SIX1: variants seen among roughly 807,000 people sequenced by gnomAD.
The protein encoded by SIX1 is SIX homeobox 1.
Under a neutral mutation model 26.5 loss-of-function variants are expected in SIX1, and 11 were observed. That is an observed-to-expected ratio of 0.41 (90% CI 0.26 to 0.69). The LOEUF is 0.69. Ranked by LOEUF, SIX1 falls within the 30% of genes least tolerant of loss-of-function variation. The probability of loss-of-function intolerance (pLI) is 0.28; values close to 1 mark genes in which losing one functional copy is unlikely to be tolerated. For synonymous variants in SIX1, 177 were observed against 166.2 expected (o/e 1.06, Z -0.50); for missense variants, 333 against 365.9 (o/e 0.91, Z 0.73).
rs1895012819 is a variant in SIX1 at position 60,649,170 on chromosome 14, A to T, written c.20T>A (p.Phe7Tyr). 1.2e-6 allele frequency: 2 copies of T among 1,601,842 alleles called. No homozygotes were observed. Among genetic ancestry groups the T allele is most frequent in the African/African-American group, 1.3e-5 (1 of 74,626 alleles). Residue 7 changes from phenylalanine (F) to tyrosine (Y), a missense_variant, in exon 1 of 2, where the codon TTT (phenylalanine) becomes TAT (tyrosine). Around this residue, in one of 3 missense-constraint regions of SIX1, gnomAD observed 133 missense variants for 131.8 expected, o/e 1.01. Coordinates refer to ENST00000645694, the MANE Select transcript of SIX1 (RefSeq NM_005982.4). This position sits in a 1 kb window ranked among gnomAD's most constrained non-coding sequence, Gnocchi z 5.1. MSMLPS[F>Y]GFTQEQVACV... ...CGCCACTTGCTCCTGCGTAAAGCCA[A>T]ACGACGGCAGCATCGACATGGCTGG...
rs1251187381 is a variant in SIX1, at chr14:60,649,026, A to G, written c.164T>C (p.Val55Ala). ...KNESVLKAKA[V>A]VAFHRGNFRE... ...GAAGTTGCCGCGGTGGAAGGCGACC[A>G]CCGCCTTGGCCTTGAGTACGCTCTC... is the stretch of plus-strand genomic sequence containing the variant. Residue 55 changes from valine to alanine, a missense_variant, in exon 1 of 2, where the codon GTG becomes GCG. By Grantham distance (64) the Val-to-Ala change is moderately conservative. Around this residue, in one of 3 missense-constraint regions of SIX1, gnomAD observed 133 missense variants for 131.8 expected, o/e 1.01. Coordinates refer to ENST00000645694, the MANE Select transcript of SIX1 (RefSeq NM_005982.4). The surrounding 1 kb of genome is among the most constrained non-coding windows in gnomAD (Gnocchi z 5.1). The G allele has an allele frequency of 2.5e-6, 4 of 1,613,818 alleles. No individual in the cohort carries two copies. Among genetic ancestry groups the G allele is most frequent in the Non-Finnish European group, 3.4e-6 (4 of 1,180,012 alleles).
rs1393610042 is a variant in SIX1, at chr14:60,644,404, T to C, written c.*1879A>G. On this transcript the variant is annotated 3_prime_UTR_variant, in exon 2 of 2. Transcript: ENST00000645694. ...GAGTGGCTGTGTGCACATCTGTCCA[T>C]CACTGAGGGGGAAAAACGACTTTAT... The C allele has an allele frequency of 6.6e-6, 1 of 151,756 alleles. No individual in the cohort carries two copies. The highest frequency in any genetic ancestry group is 2.4e-5 in the African/African-American group (1 of 41,034). The allele number at this position is 151,756 out of a possible 1,614,324, so 9.4% of individuals were successfully genotyped here.
rs1894994214 is a variant in SIX1 at position 60,648,540 on chromosome 14, T to C, written c.560+90A>G. 7.4e-7 allele frequency: 1 copy of C among 1,342,356 alleles called. No homozygotes were observed. The highest frequency in any genetic ancestry group is 2.0e-5 in the Admixed American group (1 of 50,052). The allele number at this position is 1,342,356 out of a possible 1,614,324, so 83.2% of individuals were successfully genotyped here. On this transcript the variant is annotated intron_variant, in intron 1 of 1. Transcript: ENST00000645694. The surrounding 1 kb of genome is among the most constrained non-coding windows in gnomAD (Gnocchi z 7.9). ...CGGGCTCCGGCCGGCGGGGAGGACTTGGTGGCTGGTGCCTGCGGGGGCGGG... is the reference window on the plus strand; with the variant it reads ...CGGGCTCCGGCCGGCGGGGAGGACTCGGTGGCTGGTGCCTGCGGGGGCGGG...
chr14:60,646,241 T>C lies in SIX1; in HGVS notation c.*42A>G. On this transcript the variant is annotated 3_prime_UTR_variant, in exon 2 of 2. Transcript: ENST00000645694. ...AAGTGTCCCTAGTCGCTGCAGTGGT[T>C]GCTGCTCCAGGAATCCCTTCGAGGC... The C allele has an allele frequency of 1.9e-6, 3 of 1,597,056 alleles. No homozygotes were observed. Among genetic ancestry groups the C allele is most frequent in the Non-Finnish European group, 2.6e-6 (3 of 1,168,786 alleles).
chr14:60,646,990 T>TA (rs1894954548), intron 1 of SIX1, among the ~76,000 whole-genome samples: 1 of 152,220 alleles, frequency 6.6e-6, no homozygotes, highest in Non-Finnish European at 1.5e-5. Flanking sequence ...ATATTGGTGA[T>TA]AAAGAAATGA....
rs1167753630 is a variant in SIX1, at chr14:60,649,156, C to T, written c.34G>A (p.Glu12Lys). Residue 12 changes from glutamate to lysine, a missense_variant, in exon 1 of 2, where the codon GAG becomes AAG. Physicochemically the swap from Glu to Lys is moderately conservative, Grantham distance 56 (BLOSUM62 1). This residue lies in a region of SIX1 where 133 missense variants were observed against 131.8 expected (regional missense o/e 1.01). Coordinates refer to ENST00000645694, the MANE Select transcript of SIX1 (RefSeq NM_005982.4). The surrounding 1 kb of genome is among the most constrained non-coding windows in gnomAD (Gnocchi z 5.1). ...SMLPSFGFTQEQVACVCEVLQ... is the reference protein window; with the variant it reads ...SMLPSFGFTQKQVACVCEVLQ... ...ACCTCGCACACGCACGCCACTTGCT[C>T]CTGCGTAAAGCCAAACGACGGCAGC... 1 of 1,611,752 alleles carries T rather than the reference C, an allele frequency of 6.2e-7. No individual in the cohort carries two copies. Among genetic ancestry groups the T allele is most frequent in the Admixed American group, 1.7e-5 (1 of 60,020 alleles).
In SIX1 at chr14:60,647,479, C is replaced by G. The variant is rs1022360306; in HGVS notation, c.561-902G>C. Among the ~76,000 whole-genome samples the G allele has an allele frequency of 3.9e-5, 6 of 152,196 alleles. No homozygotes were observed. Among genetic ancestry groups the G allele is most frequent in the African/African-American group, 1.2e-4 (5 of 41,452 alleles). On this transcript the variant is annotated intron_variant, in intron 1 of 1. Coordinates refer to ENST00000645694, the MANE Select transcript of SIX1 (RefSeq NM_005982.4). This position sits in a 1 kb window ranked among gnomAD's most constrained non-coding sequence, Gnocchi z 5.1. ...AACTTCAGGATTTCGCTTCCCTCGCCGCTTCCGCCTTCCGAGTGCTCGTCA... is the reference window on the plus strand; with the variant it reads ...AACTTCAGGATTTCGCTTCCCTCGCGGCTTCCGCCTTCCGAGTGCTCGTCA...
rs374638294 is a variant in SIX1, at chr14:60,646,506, G to A, written c.632C>T (p.Pro211Leu). 34 of 1,613,660 alleles carry A rather than the reference G, an allele frequency of 2.1e-5. No individual in the cohort carries two copies. The highest frequency in any genetic ancestry group is 8.3e-5 in the Admixed American group (5 of 59,958). Residue 211 changes from proline to leucine, a missense_variant, in exon 2 of 2, where the codon CCG (proline) becomes CTG (leucine). Physicochemically the swap from Pro to Leu is moderately conservative, Grantham distance 98 (BLOSUM62 -3). Around this residue, in one of 3 missense-constraint regions of SIX1, gnomAD observed 199 missense variants for 215.2 expected, o/e 0.92. Transcript: ENST00000645694. ...TTCCTCTTCTGAGCTGGACATGAGCGGCTTGCCCCCTTCCAGAGGAGAGAG... is the reference window on the plus strand; with the variant it reads ...TTCCTCTTCTGAGCTGGACATGAGCAGCTTGCCCCCTTCCAGAGGAGAGAG... ...NQLSPLEGGK[P>L]LMSSSEEEFS... is the part of the protein sequence containing the mutation.
rs1359762383 is a variant in SIX1 at position 60,649,184 on chromosome 14, C to A, written c.6G>T (p.Ser2=). ...GCGTAAAGCCAAACGACGGCAGCAT[C>A]GACATGGCTGGGGCCTGCCGGGGCG... M[S]MLPSFGFTQE... The change falls in exon 1 of 2, where the codon TCG becomes TCT. Residue 2 remains serine, a synonymous_variant. Coordinates refer to ENST00000645694, the MANE Select transcript of SIX1 (RefSeq NM_005982.4). This position sits in a 1 kb window ranked among gnomAD's most constrained non-coding sequence, Gnocchi z 5.1. 2 of 1,607,904 alleles carry A rather than the reference C, an allele frequency of 1.2e-6. No homozygotes were observed. The highest frequency in any genetic ancestry group is 1.7e-6 in the Non-Finnish European group (2 of 1,179,854).
rs1402174239 is a variant in SIX1, at chr14:60,649,100, C to G, written c.90G>C (p.Leu30=). 20 of 1,613,246 alleles carry G rather than the reference C, an allele frequency of 1.2e-5. No homozygotes were observed. The highest frequency in any genetic ancestry group is 1.6e-5 in the Non-Finnish European group (19 of 1,179,710). The change falls in exon 1 of 2, where the codon CTG becomes CTC. Residue 30 remains leucine, a synonymous_variant. Coordinates refer to ENST00000645694, the MANE Select transcript of SIX1 (RefSeq NM_005982.4). This position sits in a 1 kb window ranked among gnomAD's most constrained non-coding sequence, Gnocchi z 5.1. The part of the protein sequence containing the change: ...VLQQGGNLER[L]GRFLWSLPAC... ...CGGGCAGTGACCACAGGAACCTGCC[C>G]AGGCGCTCCAGGTTTCCGCCTTGCT...
In SIX1 at chr14:60,647,563, C is replaced by T. The variant is rs1894972315; in HGVS notation, c.561-986G>A. Among the ~76,000 whole-genome samples, 1 of 152,224 alleles carries T rather than the reference C, an allele frequency of 6.6e-6. No individual in the cohort carries two copies. The highest frequency in any genetic ancestry group is 6.5e-5 in the Admixed American group (1 of 15,284). On this transcript the variant is annotated intron_variant, in intron 1 of 1. Transcript: ENST00000645694. The surrounding 1 kb of genome is among the most constrained non-coding windows in gnomAD (Gnocchi z 5.1). ...TTCTTTCCCCTTATCCTCACAGTCTCTGTCTCCCGACAAGCCCATTTCAGC... is the reference window on the plus strand; with the variant it reads ...TTCTTTCCCCTTATCCTCACAGTCTTTGTCTCCCGACAAGCCCATTTCAGC...
At position 60,649,217 on chromosome 14, in the gene SIX1, C is replaced by G. The variant is rs973618825; in HGVS notation, c.-28G>C. On this transcript the variant is annotated 5_prime_UTR_variant, in exon 1 of 2. Coordinates refer to ENST00000645694, the MANE Select transcript of SIX1 (RefSeq NM_005982.4). This position sits in a 1 kb window ranked among gnomAD's most constrained non-coding sequence, Gnocchi z 5.1. ...CTGGGGCCTGCCGGGGCGCACGGCC[C>G]AGGCGCACGCGGCAGGGAGCAGAGC... The G allele has an allele frequency of 1.3e-6, 2 of 1,597,168 alleles. No individual in the cohort carries two copies. The highest frequency in any genetic ancestry group is 8.5e-7 in the Non-Finnish European group (1 of 1,177,024).
chr14:60,646,607 T>TAAAAAAAAAAAAAAAAAAAAAAAGGTA, intron 1 of SIX1, 30 bp from the exon 2 acceptor site: 1 of 831,216 alleles, frequency 1.2e-6, no homozygotes, highest in Non-Finnish European at 1.7e-6. Context: ...ACCATATGGT[T>TAAAAAAAAAAAAAAAAAAAAAAAGGTA]AAAAAAAAAA....
rs1894972998 is a variant in SIX1, at chr14:60,647,599, C to T, written c.561-1022G>A. 1.3e-5 allele frequency among the ~76,000 whole-genome samples: 2 copies of T among 152,236 alleles called. No individual in the cohort carries two copies. The highest frequency in any genetic ancestry group is 4.8e-5 in the African/African-American group (2 of 41,464). ...CAAGCCCATTTCAGCAGAATTTATC[C>T]TGGCTCTGGTTTTCCACCAAGACAA... is the stretch of plus-strand genomic sequence containing the variant. On this transcript the variant is annotated intron_variant, in intron 1 of 1. Transcript: ENST00000645694. This position sits in a 1 kb window ranked among gnomAD's most constrained non-coding sequence, Gnocchi z 5.1.
rs1594671738 is a variant in SIX1 at position 60,646,496 on chromosome 14, G to A, written c.642C>T (p.Ser214=). Residue 214 remains serine (S), a synonymous_variant, in exon 2 of 2, where the codon TCC becomes TCT. Coordinates refer to ENST00000645694, the MANE Select transcript of SIX1 (RefSeq NM_005982.4). ...GAGGTGAGAATTCCTCTTCTGAGCT[G>A]GACATGAGCGGCTTGCCCCCTTCCA... ...SPLEGGKPLM[S]SSEEEFSPPQ... 1.2e-6 allele frequency: 2 copies of A among 1,613,712 alleles called. No individual in the cohort carries two copies. Among genetic ancestry groups the A allele is most frequent in the African/African-American group, 2.7e-5 (2 of 74,892 alleles).
At position 60,645,819 on chromosome 14, in the gene SIX1, C is replaced by T. The variant is rs1453685876; in HGVS notation, c.*464G>A. ...CTGAGCCTGGAGGCTCTTATTTTCA[C>T]TATTTTTATCTCCCTTTCTCTTTCT... On this transcript the variant is annotated 3_prime_UTR_variant, in exon 2 of 2. Coordinates refer to ENST00000645694, the MANE Select transcript of SIX1 (RefSeq NM_005982.4). The surrounding 1 kb of genome is among the most constrained non-coding windows in gnomAD (Gnocchi z 4.6). The T allele has an allele frequency of 6.6e-6, 1 of 152,576 alleles. No individual in the cohort carries two copies. Among genetic ancestry groups the T allele is most frequent in the East Asian group, 1.9e-4 (1 of 5,216 alleles). 9.5% of individuals were successfully genotyped at this position (152,576 alleles called of 1,614,324 possible).
Position 60,646,261 on chromosome 14 carries a change from C to G in SIX1, c.*22G>C. On this transcript the variant is annotated 3_prime_UTR_variant, in exon 2 of 2. Coordinates refer to ENST00000645694, the MANE Select transcript of SIX1 (RefSeq NM_005982.4). ...GTGGTTGCTGCTCCAGGAATCCCTT[C>G]GAGGCCCCAGTCCCTCCCCACTTAG... The G allele has an allele frequency of 5.0e-6, 8 of 1,607,796 alleles. No homozygotes were observed. The highest frequency in any genetic ancestry group is 6.8e-6 in the Non-Finnish European group (8 of 1,176,606).
rs1206379089 is a variant in SIX1, at chr14:60,644,602, A to G, written c.*1681T>C. The G allele has an allele frequency of 6.6e-6, 1 of 152,278 alleles. No individual in the cohort carries two copies. The highest frequency in any genetic ancestry group is 1.5e-5 in the Non-Finnish European group (1 of 68,052). The allele number at this position is 152,278 out of a possible 1,614,324, so 9.4% of individuals were successfully genotyped here. On this transcript the variant is annotated 3_prime_UTR_variant, in exon 2 of 2. Transcript: ENST00000645694. Reference sequence around the variant, plus strand: ...ATAATATATTAATGGTGACAATTATAGATGGGAAAAAATCAAAATTATGAA... The same window carrying G: ...ATAATATATTAATGGTGACAATTATGGATGGGAAAAAATCAAAATTATGAA...
At chr14:60,646,699 T>C in intron 1 of SIX1, 122 bp from the exon 2 acceptor site, 2 of 861,662 alleles carry the variant, frequency 2.3e-6, no homozygotes, top group Non-Finnish European at 3.5e-6. Flanking sequence ...TTGTGCAATC[T>C]GTCACCAACC....
Sources: allele counts gnomAD v4.1 joint callset (sites outside exome capture counted in the v4.1 genomes callset), GRCh38; gene constraint gnomAD v4.1.1; regional missense constraint gnomAD v4.1.1; non-coding constraint Gnocchi (gnomAD v3.1); transcripts MANE v1.5; gene names NCBI Gene and HGNC (gene_info 2026-07-23, HGNC 2026-07-21).